CTNNA2: variants seen among roughly 807,000 people sequenced by gnomAD.
The protein encoded by CTNNA2 is catenin alpha-2.
CTNNA2 carries 42 observed loss-of-function variants against 101.0 expected under a neutral mutation model. The ratio of observed to expected loss-of-function variants is 0.42; its 90% CI spans 0.32 to 0.54. The LOEUF (loss-of-function observed/expected upper bound fraction) is 0.54, where lower values mean the gene tolerates loss of function less well. CTNNA2 is among the 20% of genes least tolerant of loss of function. The pLI, the probability that CTNNA2 is intolerant of heterozygous loss-of-function variation, is 0.14. For missense variants in CTNNA2, 871 were observed against 1,223.1 expected (o/e 0.71, Z 4.29); for synonymous variants, 450 against 456.4 (o/e 0.99, Z 0.18).
chr2:80,591,300 C>G (rs1026547118), intron 15 of CTNNA2, among the ~76,000 whole-genome samples: 1 of 151,954 alleles, frequency 6.6e-6, no homozygotes, highest in East Asian at 1.9e-4. Context: ...CTACTAGTTA[C>G]AATTTTTCCC....
At chr2:80,177,596 G>A (rs899619542) in intron 7 of CTNNA2, among the ~76,000 whole-genome samples, 1 of 152,044 alleles carries the variant, frequency 6.6e-6, no homozygotes, top group African/African-American at 2.4e-5. Flanking sequence ...GCAATGACAG[G>A]GGTGACTGGG....
intron 7 of CTNNA2, among the ~76,000 whole-genome samples, chr2:80,139,894 CA>C (rs1185610627): frequency 6.6e-6 from 1 of 151,954 alleles, no homozygotes; most frequent in Non-Finnish European, 1.5e-5. Flanking sequence ...GAGCCCAAAG[CA>C]AAAAAAGCCT....
intron 2 of CTNNA2, among the ~76,000 whole-genome samples, chr2:79,212,457 G>T (rs1305763099): frequency 6.6e-6 from 1 of 152,132 alleles, no homozygotes; most frequent in Non-Finnish European, 1.5e-5. Flanking sequence ...TAAAAGTATT[G>T]TCCAGTCCTT....
intron 14 of CTNNA2, among the ~76,000 whole-genome samples, chr2:80,583,391 T>C (rs1192965375): frequency 6.6e-6 from 1 of 152,188 alleles, no homozygotes; most frequent in East Asian, 1.9e-4. Flanking sequence ...CCTAAAATGT[T>C]GAAAATTGGA....
At chr2:80,395,344 T>C (rs1247647665) in intron 8 of CTNNA2, among the ~76,000 whole-genome samples, 2 of 152,250 alleles carry the variant, frequency 1.3e-5, no homozygotes, top group Non-Finnish European at 2.9e-5. Context: ...CCAACAGTTA[T>C]GGCATAATTT....
chr2:80,287,975 TC>T (rs1558971080), intron 7 of CTNNA2, among the ~76,000 whole-genome samples: 1 of 152,210 alleles, frequency 6.6e-6, no homozygotes, highest in Non-Finnish European at 1.5e-5. Flanking sequence ...GGCAATTACC[TC>T]CTTAGTTAAT....
At chr2:79,802,726 T>C (rs1676265360) in intron 3 of CTNNA2, among the ~76,000 whole-genome samples, 1 of 152,276 alleles carries the variant, frequency 6.6e-6, no homozygotes, top group East Asian at 1.9e-4. Flanking sequence ...GAAATGCAGA[T>C]TGACTGTGTG....
intron 6 of CTNNA2, among the ~76,000 whole-genome samples, chr2:79,877,621 A>G (rs1032840555): frequency 6.6e-6 from 1 of 152,160 alleles, no homozygotes; most frequent in Non-Finnish European, 1.5e-5. Flanking sequence ...TGCTATTCTC[A>G]GATATTAAAC....
intron 6 of CTNNA2, among the ~76,000 whole-genome samples, chr2:79,887,192 C>T (rs1279378243): frequency 6.6e-6 from 1 of 152,000 alleles, no homozygotes; most frequent in Non-Finnish European, 1.5e-5. Flanking sequence ...AGCAAAGCTG[C>T]AGAGTAGGGA....
Position 80,303,312 on chromosome 2 carries a change from C to G in CTNNA2, c.1057-89899C>G, listed in dbSNP as rs866145118. 1.2e-6 allele frequency: 2 copies of G among 1,613,658 alleles called. No homozygotes were observed. The highest frequency in any genetic ancestry group is 8.5e-7 in the Non-Finnish European group (1 of 1,180,026). On this transcript the variant is annotated intron_variant, in intron 7 of 18. Transcript: ENST00000402739. The surrounding 1 kb of genome is among the most constrained non-coding windows in gnomAD (Gnocchi z 7.7). ...ACGGGCACAAACTGGATGGCGTTGG[C>G]CCGCATATGCAGCGTGGTGAGCTTC...
At chr2:79,289,502 C>T (rs1225709765) in intron 2 of CTNNA2, among the ~76,000 whole-genome samples, 3 of 152,174 alleles carry the variant, frequency 2.0e-5, no homozygotes, top group African/African-American at 7.2e-5. Flanking sequence ...TGGCTCACGC[C>T]TGTAATCCCA....
At chr2:79,700,388 A>G (rs749896144) in intron 2 of CTNNA2, among the ~76,000 whole-genome samples, 2 of 152,098 alleles carry the variant, frequency 1.3e-5, no homozygotes, top group Non-Finnish European at 2.9e-5. Flanking sequence ...AGAGAGAGAG[A>G]CAGATGGGAC....
intron 3 of CTNNA2, among the ~76,000 whole-genome samples, chr2:79,790,956 A>C (rs1675225280): frequency 6.6e-6 from 1 of 152,328 alleles, no homozygotes; most frequent in South Asian, 2.1e-4. Context: ...AACATATATT[A>C]GCTAGAGCTG....
intron 6 of CTNNA2, among the ~76,000 whole-genome samples, chr2:79,880,949 G>C (rs757521498): frequency 8.6e-5 from 13 of 152,042 alleles, no homozygotes; most frequent in Non-Finnish European, 1.8e-4. Flanking sequence ...CTCTGATGTG[G>C]GCATTTAGTG....
intron 8 of CTNNA2, among the ~76,000 whole-genome samples, chr2:80,407,914 C>T (rs1260434703): frequency 6.6e-6 from 1 of 152,142 alleles, no homozygotes; most frequent in Non-Finnish European, 1.5e-5. Context: ...AGAGGTACAC[C>T]GTTATCCATA....
intron 6 of CTNNA2, among the ~76,000 whole-genome samples, chr2:79,874,812 G>GA (rs1682884039): frequency 6.6e-6 from 1 of 152,218 alleles, no homozygotes; most frequent in East Asian, 1.9e-4. Flanking sequence ...CCGTCTCGGG[G>GA]AAAAAAGAAG....
At chr2:79,748,048 C>T (rs1671759535) in intron 3 of CTNNA2, among the ~76,000 whole-genome samples, 1 of 152,208 alleles carries the variant, frequency 6.6e-6, no homozygotes, top group Non-Finnish European at 1.5e-5. Context: ...TGCACCTCCT[C>T]ACTGACAGCA....
At chr2:80,252,355 C>T (rs917874649) in intron 7 of CTNNA2, among the ~76,000 whole-genome samples, 4 of 152,044 alleles carry the variant, frequency 2.6e-5, no homozygotes, top group Non-Finnish European at 4.4e-5. Flanking sequence ...TTCTTTATGC[C>T]TTTACTTTTC....
intron 7 of CTNNA2, among the ~76,000 whole-genome samples, chr2:80,000,727 A>T (rs907304444): frequency 6.6e-5 from 10 of 152,188 alleles, no homozygotes; most frequent in African/African-American, 2.4e-4. Flanking sequence ...GCAAGGAAGA[A>T]GTTCTCTCTC....
Sources: gnomAD v4.1 joint callset for allele counts (sites outside exome capture counted in the v4.1 genomes callset) on GRCh38, gnomAD v4.1.1 for gene constraint, Gnocchi (gnomAD v3.1) non-coding constraint, MANE v1.5 for transcripts, NCBI Gene and HGNC (gene_info 2026-07-23, HGNC 2026-07-21) for gene names.